The following KALRN variants were observed in gnomAD, a reference collection of about 807,000 sequenced individuals.
The protein encoded by KALRN is kalirin.
KALRN carries 70 observed loss-of-function variants against 353.7 expected under a neutral mutation model. That is an observed-to-expected ratio of 0.20 (90% CI 0.16 to 0.24). The LOEUF (loss-of-function observed/expected upper bound fraction) is 0.24. KALRN is among the 10% of genes least tolerant of loss of function. KALRN has a pLI of 1.00. For missense variants in KALRN, 2,791 were observed against 3,756.7 expected, an observed-to-expected ratio of 0.74 and a Z score of 6.72; for synonymous variants, 1,391 against 1,434.8, an observed-to-expected ratio of 0.97 and a Z score of 0.69.
chr3:124,045,940 C>T (rs2040436103), intron 1 of KALRN, among the ~76,000 whole-genome samples: 3 of 152,102 alleles, frequency 2.0e-5, no homozygotes, highest in Admixed American at 2.0e-4. Flanking sequence ...GAATAATGAG[C>T]ATAGACCACT....
rs768434968 is a variant in KALRN, at chr3:124,717,333, T to C, written c.8363T>C (p.Met2788Thr). 1.4e-5 allele frequency: 22 copies of C among 1,612,498 alleles called. No homozygotes were observed. The African/African-American group carries it at 2.7e-4, about 20-fold the overall frequency. Residue 2788 changes from methionine (M) to threonine (T), a missense_variant, in exon 59 of 60, where the codon ATG becomes ACG. By Grantham distance (81) the Met-to-Thr change is moderately conservative. This residue lies in a region of KALRN where 188 missense variants were observed against 402.9 expected (regional missense o/e 0.47). Coordinates refer to ENST00000682506, the MANE Select transcript of KALRN (RefSeq NM_001388419.1). The stretch of plus-strand genomic sequence containing the variant: ...GTAGCTTTCTATATCCGAGACATCA[T>C]GGAGGCTCTGCAGTACCTTCACAAC... Reference protein sequence around the residue: ...EKVAFYIRDIMEALQYLHNCR... With the variant: ...EKVAFYIRDITEALQYLHNCR...
At chr3:124,660,680 C>CAG (rs1280864734) in intron 43 of KALRN, among the ~76,000 whole-genome samples, 1 of 93,802 alleles carries the variant, frequency 1.1e-5, no homozygotes, top group Non-Finnish European at 2.1e-5. Flanking sequence ...GACTATGTCT[C>CAG]AAAAAAAAAA....
At chr3:124,525,900 G>A (rs1431331776) in intron 33 of KALRN, among the ~76,000 whole-genome samples, 1 of 152,154 alleles carries the variant, frequency 6.6e-6, no homozygotes, top group African/African-American at 2.4e-5. Context: ...GCTTGGAGAT[G>A]GAATAGGTCA....
At chr3:124,136,317 T>C (rs2065911169) in intron 1 of KALRN, among the ~76,000 whole-genome samples, 1 of 152,192 alleles carries the variant, frequency 6.6e-6, no homozygotes, top group African/African-American at 2.4e-5. Flanking sequence ...ACCTTCAGCG[T>C]TTCTGATTCA....
intron 1 of KALRN, chr3:124,096,744 A>G (rs1181099139): frequency 1.3e-5 from 2 of 152,216 alleles, no homozygotes; most frequent in African/African-American, 4.8e-5. Flanking sequence ...CAGTTTGTTA[A>G]TCTTAAAAAT....
At chr3:124,644,034 A>G (rs1350790646) in intron 37 of KALRN, among the ~76,000 whole-genome samples, 1 of 152,254 alleles carries the variant, frequency 6.6e-6, no homozygotes, top group African/African-American at 2.4e-5. Context: ...ATACAATTTT[A>G]TTAATGATAA....
intron 6 of KALRN, among the ~76,000 whole-genome samples, chr3:124,315,504 C>T (rs896823812): frequency 1.3e-5 from 2 of 152,128 alleles, no homozygotes; most frequent in Non-Finnish European, 2.9e-5. Context: ...AGATCTCCCT[C>T]CTTTTCTCCC....
At chr3:124,656,681 C>T (rs1264672590) in intron 39 of KALRN, among the ~76,000 whole-genome samples, 1 of 152,136 alleles carries the variant, frequency 6.6e-6, no homozygotes, top group African/African-American at 2.4e-5. Flanking sequence ...ACATTGCCTG[C>T]TGGTTCCTTA....
rs189960844 is a variant in KALRN at position 124,152,649 on chromosome 3, A to G, written c.74-75341A>G. ...CTCTCTGTTGCCCAGGCTGGAGTGC[A>G]GTGGTGCAATCGAGGCTCACTGCAA... On this transcript the variant is annotated intron_variant, in intron 1 of 59. Transcript: ENST00000682506. 1.4e-3 allele frequency: 775 copies of G among 568,200 alleles called. 5 individuals carry two copies. The African/African-American group carries it at 0.014, about 10-fold the overall frequency. 35.2% of individuals were successfully genotyped at this position (568,200 alleles called of 1,614,324 possible). A position where few individuals can be genotyped will look rare whatever the true frequency, so the allele number is the denominator to read the frequency against.
intron 54 of KALRN, among the ~76,000 whole-genome samples, chr3:124,696,856 C>T (rs1342690922): frequency 6.6e-6 from 1 of 152,208 alleles, no homozygotes; most frequent in African/African-American, 2.4e-5. Context: ...ACTCCCCATT[C>T]CCTCCTCCCC....
intron 41 of KALRN, among the ~76,000 whole-genome samples, chr3:124,658,115 A>G (rs2084320900): frequency 6.6e-6 from 1 of 152,028 alleles, no homozygotes; most frequent in South Asian, 2.1e-4. Context: ...TGATGGCCCC[A>G]CCCTGCACTC....
chr3:124,623,513 C>T (rs1274975419), intron 34 of KALRN, among the ~76,000 whole-genome samples: 1 of 151,896 alleles, frequency 6.6e-6, no homozygotes, highest in Non-Finnish European at 1.5e-5. Flanking sequence ...CAGTCCAAGT[C>T]CCAAAACTGA....
intron 34 of KALRN, among the ~76,000 whole-genome samples, chr3:124,564,935 A>G (rs1012916162): frequency 3.3e-5 from 5 of 152,256 alleles, no homozygotes; most frequent in African/African-American, 1.2e-4. Context: ...CCAGATAATC[A>G]GCAGCAGGCA....
intron 5 of KALRN, among the ~76,000 whole-genome samples, chr3:124,286,545 C>A (rs1267988320): frequency 6.6e-6 from 1 of 152,126 alleles, no homozygotes; most frequent in African/African-American, 2.4e-5. Flanking sequence ...ACCACTGCAC[C>A]CTGCCCAGTG....
chr3:124,455,398 T>C (rs757946452), intron 22 of KALRN, 39 bp downstream of exon 22: 20 of 1,583,246 alleles, frequency 1.3e-5, no homozygotes, highest in Non-Finnish European at 1.7e-5. Context: ...TCCTCCCTTC[T>C]CATCTCCCTG....
chr3:124,332,992 C>T (rs559419483), intron 8 of KALRN, among the ~76,000 whole-genome samples: 1 of 152,264 alleles, frequency 6.6e-6, no homozygotes, highest in Admixed American at 6.5e-5. Context: ...GTTTGATGCA[C>T]TCACAGTTTC....
intron 6 of KALRN, among the ~76,000 whole-genome samples, chr3:124,306,169 G>A (rs956857637): frequency 2.0e-5 from 3 of 152,068 alleles, no homozygotes; most frequent in African/African-American, 7.2e-5. Flanking sequence ...TAACCTCCTA[G>A]GCTCAAGCGG....
intron 34 of KALRN, among the ~76,000 whole-genome samples, chr3:124,629,168 G>C (rs1167651596): frequency 6.6e-6 from 1 of 152,138 alleles, no homozygotes; most frequent in Non-Finnish European, 1.5e-5. Context: ...CAAGATCATG[G>C]TGATGATGAG....
chr3:124,386,396 T>C (rs2088321336), intron 11 of KALRN, among the ~76,000 whole-genome samples: 2 of 152,130 alleles, frequency 1.3e-5, no homozygotes, highest in South Asian at 4.1e-4. Context: ...TCATGAGGGC[T>C]GCGGTGGTGC....
Sources: allele counts gnomAD v4.1 joint callset (sites outside exome capture counted in the v4.1 genomes callset), GRCh38; gene constraint gnomAD v4.1.1; regional missense constraint gnomAD v4.1.1; transcripts MANE v1.5; gene names NCBI Gene and HGNC (gene_info 2026-07-23, HGNC 2026-07-21).